Variants in PKD1L3 observed in about 807,000 individuals in gnomAD.
PKD1L3 encodes polycystin-1-like protein 3.
PKD1L3 carries 239 observed loss-of-function variants against 184.1 expected under a neutral mutation model. The observed-to-expected ratio is 1.30, with a 90% confidence interval of 1.17 to 1.45. The LOEUF (loss-of-function observed/expected upper bound fraction) is 1.45. Ranked by LOEUF, PKD1L3 falls within the 40% of genes most tolerant of loss-of-function variation. The pLI is 0.00. For synonymous variants in PKD1L3, 996 were observed against 778.8 expected (o/e 1.28, Z -4.64); for missense variants, 2,660 against 2,067.2 (o/e 1.29, Z -5.56).
intron 4 of PKD1L3, among the ~76,000 whole-genome samples, chr16:71,989,279 C>G (rs1051190718): frequency 6.6e-6 from 1 of 152,182 alleles, no homozygotes; most frequent in Non-Finnish European, 1.5e-5. Context: ...CTCAGCCTCC[C>G]AAGTAGCTGG....
intron 16 of PKD1L3, among the ~76,000 whole-genome samples, chr16:71,955,924 T>C (rs1350539611): frequency 6.6e-6 from 1 of 152,202 alleles, no homozygotes; most frequent in African/African-American, 2.4e-5. Flanking sequence ...CAAGCCATGC[T>C]TAACTGTGAG....
intron 16 of PKD1L3, among the ~76,000 whole-genome samples, chr16:71,958,920 CTAATAAAATACA>C (rs886663462): frequency 6.7e-6 from 1 of 148,948 alleles, no homozygotes; most frequent in African/African-American, 2.5e-5. Flanking sequence ...AACGCCGTCT[CTAATAAAATACA>C]AAAAATTAGC....
At chr16:71,990,426 C>T (rs540382741) in intron 3 of PKD1L3, 97 bp from the exon 4 acceptor site, 17 of 1,073,522 alleles carry the variant, frequency 1.6e-5, no homozygotes, top group Non-Finnish European at 2.3e-5. Context: ...AAAAATAATG[C>T]AAATTGTTTT....
At chr16:71,956,569 G>C (rs1342437551) in intron 16 of PKD1L3, among the ~76,000 whole-genome samples, 1 of 152,138 alleles carries the variant, frequency 6.6e-6, no homozygotes, top group Non-Finnish European at 1.5e-5. Context: ...AAATAAGCCA[G>C]TCACCGACAG....
Position 71,997,411 on chromosome 16 carries a change from A to ACC in PKD1L3, c.418+859_418+860dup, listed in dbSNP as rs113598590. Among the ~76,000 whole-genome samples, 10 of 140,426 alleles carry ACC rather than the reference A, an allele frequency of 7.1e-5. No homozygotes were observed. The South Asian group carries it at 1.7e-3, about 23-fold the overall frequency. The allele number at this position is 140,426 out of a possible 152,430, so 92.1% of individuals were successfully genotyped here. A position where few individuals can be genotyped will look rare whatever the true frequency, so the allele number is the denominator to read the frequency against. On this transcript the variant is annotated intron_variant, in intron 2 of 29. Coordinates refer to ENST00000620267, the MANE Select transcript of PKD1L3 (RefSeq NM_181536.2). ...AGACCAGCCTGGACAACATAACAAG[A>ACC]CCCCCCCCCCCACAACCACTCCCCA...
chr16:71,971,592 G>T (rs551003095), intron 12 of PKD1L3, among the ~76,000 whole-genome samples: 2 of 152,358 alleles, frequency 1.3e-5, no homozygotes, highest in Admixed American at 1.3e-4. Flanking sequence ...GGTCTGTGCT[G>T]TGAGAGGAGA....
At position 71,934,078 on chromosome 16, in the gene PKD1L3, T is replaced by G. The variant is rs1276426273; in HGVS notation, c.4661A>C (p.His1554Pro). The stretch of plus-strand genomic sequence containing the variant: ...CAGGAGAACCGGGAAGCCCACAAGG[T>G]GAGTCGCAGCAGAGTTCACTTTTAC... ...EAVKVNSAAT[H>P]LVGFPVLLAT... The change falls in exon 27 of 30, where the codon CAC (histidine) becomes CCC (proline). Residue 1554 changes from histidine to proline, a missense_variant. Physicochemically the swap from His to Pro is moderately conservative, Grantham distance 77 (BLOSUM62 -2). Coordinates refer to ENST00000620267, the MANE Select transcript of PKD1L3 (RefSeq NM_181536.2). 6.4e-7 allele frequency: 1 copy of G among 1,551,752 alleles called. No homozygotes were observed. The highest frequency in any genetic ancestry group is 8.7e-7 in the Non-Finnish European group (1 of 1,147,054).
chr16:71,983,993 C>T lies in PKD1L3; in HGVS notation c.966+43G>A, dbSNP rs1206182587. On this transcript the variant is annotated intron_variant, in intron 6 of 29. Coordinates refer to ENST00000620267, the MANE Select transcript of PKD1L3 (RefSeq NM_181536.2). ...TTCTCTTTTTCTGTTTTCCGCTTTTCCCTCTCTCCTACCTTCTTCCCTCCC... is the reference window on the plus strand; with the variant it reads ...TTCTCTTTTTCTGTTTTCCGCTTTTTCCTCTCTCCTACCTTCTTCCCTCCC... The T allele has an allele frequency of 2.6e-6, 4 of 1,545,010 alleles. No individual in the cohort carries two copies. In the East Asian group the frequency reaches 7.4e-5, roughly 28 times the overall value.
chr16:71,946,203 T>C (rs892949024), intron 22 of PKD1L3, among the ~76,000 whole-genome samples: 1 of 152,158 alleles, frequency 6.6e-6, no homozygotes, highest in Non-Finnish European at 1.5e-5. Context: ...TAAAGTCAGA[T>C]TAAGTTTTTT....
intron 29 of PKD1L3, 40 bp downstream of exon 29, chr16:71,930,012 G>C (rs1385000434): frequency 1.3e-6 from 2 of 1,523,892 alleles, no homozygotes; most frequent in Non-Finnish European, 1.8e-6. Flanking sequence ...AGCTTTCCCA[G>C]TGATATAACA....
intron 28 of PKD1L3, 77 bp downstream of exon 28, chr16:71,933,343 C>CCCCCCTTA (rs1567485289): frequency 9.7e-7 from 1 of 1,032,960 alleles, no homozygotes; most frequent in Non-Finnish European, 1.5e-6. Flanking sequence ...CAGTAGGGGG[C>CCCCCCTTA]TGTTTTCATA....
rs1303823815 is a variant in PKD1L3, at chr16:71,999,992, T to C, written c.-14A>G. On this transcript the variant is annotated 5_prime_UTR_variant, in exon 1 of 30. Transcript: ENST00000620267. ...TTTGAAGAACATTTTCTCTGAATTG[T>C]AGCAAGAAAAAGTGTGGGGGTTTAG... The C allele has an allele frequency of 8.0e-6, 12 of 1,498,580 alleles. No individual in the cohort carries two copies. The East Asian group carries it at 1.5e-4, about 19-fold the overall frequency. 92.8% of individuals were successfully genotyped at this position (1,498,580 alleles called of 1,614,324 possible).
chr16:71,944,306 T>G (rs1168918146), intron 22 of PKD1L3, 136 bp from the exon 23 acceptor site: 1 of 847,478 alleles, frequency 1.2e-6, no homozygotes, highest in African/African-American at 1.7e-5. Flanking sequence ...CAGTGCTTCT[T>G]AAACTCTCTA....
chr16:71,972,296 G>T (rs1484515116), intron 12 of PKD1L3, among the ~76,000 whole-genome samples: 2 of 152,186 alleles, frequency 1.3e-5, no homozygotes, highest in African/African-American at 4.8e-5. Context: ...CTACTGGGGA[G>T]GCCGAGGCAG....
rs959628917 is a variant in PKD1L3, at chr16:71,984,084, G to A, written c.918C>T (p.Phe306=). 1 of 1,552,208 alleles carries A rather than the reference G, an allele frequency of 6.4e-7. No individual in the cohort carries two copies. The highest frequency in any genetic ancestry group is 8.7e-7 in the Non-Finnish European group (1 of 1,147,086). The change falls in exon 6 of 30, where the codon TTC becomes TTT. Residue 306 remains phenylalanine, a synonymous_variant. Coordinates refer to ENST00000620267, the MANE Select transcript of PKD1L3 (RefSeq NM_181536.2). ...ALNKLQEACE[F]LQKLTALTPR... ...GGGTTAAGGCTGTTAGTTTCTGGAG[G>A]AACTCACAAGCTTCCTGTAGTTTGT...
intron 12 of PKD1L3, 60 bp downstream of exon 12, chr16:71,973,264 C>G (rs2039786492): frequency 6.7e-7 from 1 of 1,491,060 alleles, no homozygotes. Context: ...ATAACGGATG[C>G]ATTGGGCTTA....
chr16:71,965,386 G>A (rs1395210023), intron 15 of PKD1L3, among the ~76,000 whole-genome samples: 1 of 151,952 alleles, frequency 6.6e-6, no homozygotes, highest in South Asian at 2.1e-4. Context: ...GTTTATCTTG[G>A]GTAAATACCT....
chr16:71,979,346 A>T (rs950641000), intron 9 of PKD1L3, among the ~76,000 whole-genome samples: 2 of 152,204 alleles, frequency 1.3e-5, no homozygotes, highest in African/African-American at 4.8e-5. Context: ...TGGGAGGCTG[A>T]GGCAGGGGAA....
At chr16:71,978,079 A>G (rs990358278) in intron 10 of PKD1L3, among the ~76,000 whole-genome samples, 176 bp downstream of exon 10, 1 of 152,176 alleles carries the variant, frequency 6.6e-6, no homozygotes, top group Non-Finnish European at 1.5e-5. Flanking sequence ...CAGCCCTTTA[A>G]AACACTTTTT....
Sources: gnomAD v4.1 joint callset for allele counts (sites outside exome capture counted in the v4.1 genomes callset) on GRCh38, gnomAD v4.1.1 for gene constraint, MANE v1.5 for transcripts, NCBI Gene and HGNC (gene_info 2026-07-23, HGNC 2026-07-21) for gene names.